ZNF385D: variants seen among roughly 807,000 people sequenced by gnomAD.
ZNF385D encodes the protein zinc finger protein 385D.
A neutral mutation model predicts 35.8 loss-of-function variants in ZNF385D; 15 were observed. The observed-to-expected ratio is 0.42, with a 90% CI of 0.28 to 0.64. The LOEUF (loss-of-function observed/expected upper bound fraction) is 0.64. Ranked by LOEUF, ZNF385D falls within the 30% of genes least tolerant of loss-of-function variation. ZNF385D has a pLI of 0.23. For missense variants in ZNF385D, 474 were observed against 494.6 expected, an observed-to-expected ratio of 0.96 and a Z score of 0.39; for synonymous variants, 212 against 186.8, an observed-to-expected ratio of 1.13 and a Z score of -1.10.
chr3:22,231,265 G>A (rs925297768), intron 2 of ZNF385D, among the ~76,000 whole-genome samples: 1 of 152,106 alleles, frequency 6.6e-6, no homozygotes, highest in African/African-American at 2.4e-5. Flanking sequence ...CACACCAAGG[G>A]CCACTGACTC....
intron 3 of ZNF385D, among the ~76,000 whole-genome samples, chr3:21,909,820 A>C (rs1699874849): frequency 6.6e-6 from 1 of 152,050 alleles, no homozygotes; most frequent in Non-Finnish European, 1.5e-5. Context: ...TATGCAGTGC[A>C]AAATGGAAAA....
At chr3:21,740,075 T>C (rs2069436309) in intron 1 of ZNF385D, among the ~76,000 whole-genome samples, 1 of 152,170 alleles carries the variant, frequency 6.6e-6, no homozygotes. Flanking sequence ...CATGAAACTT[T>C]CTGTTTTGAC....
intron 2 of ZNF385D, among the ~76,000 whole-genome samples, chr3:21,636,289 G>A (rs1024601252): frequency 6.8e-6 from 1 of 146,626 alleles, no homozygotes; most frequent in Admixed American, 6.9e-5. Context: ...TCTCTAGAGG[G>A]ACAGAGCTAA....
chr3:22,069,101 T>C (rs1700109678), intron 3 of ZNF385D, among the ~76,000 whole-genome samples: 1 of 152,220 alleles, frequency 6.6e-6, no homozygotes, highest in Non-Finnish European at 1.5e-5. Context: ...CTGGGCTAGC[T>C]ACAGGTGTTT....
At chr3:22,250,360 T>C (rs1312299298) in intron 2 of ZNF385D, among the ~76,000 whole-genome samples, 1 of 133,990 alleles carries the variant, frequency 7.5e-6, no homozygotes, top group Non-Finnish European at 1.7e-5. Context: ...AAACACTGAA[T>C]GACATAATTT....
intron 4 of ZNF385D, among the ~76,000 whole-genome samples, chr3:21,504,150 AG>A (rs1250215546): frequency 6.6e-6 from 1 of 152,178 alleles, no homozygotes; most frequent in African/African-American, 2.4e-5. Flanking sequence ...TAGATGACTA[AG>A]GAAAATCCAT....
At chr3:22,200,058 G>T (rs1036546921) in intron 2 of ZNF385D, among the ~76,000 whole-genome samples, 1 of 152,032 alleles carries the variant, frequency 6.6e-6, no homozygotes, top group African/African-American at 2.4e-5. Context: ...GAAAGGTTAA[G>T]ATCATACAAG....
At chr3:21,611,306 G>T (rs1297435343) in intron 2 of ZNF385D, among the ~76,000 whole-genome samples, 1 of 151,984 alleles carries the variant, frequency 6.6e-6, no homozygotes, top group African/African-American at 2.4e-5. Flanking sequence ...TTGCAGATGA[G>T]GAGGCTGAGG....
chr3:21,452,005 C>G (rs1014782516), intron 4 of ZNF385D, among the ~76,000 whole-genome samples: 2 of 151,922 alleles, frequency 1.3e-5, no homozygotes, highest in African/African-American at 4.8e-5. Context: ...TTTATTTCTG[C>G]ACAAATATTG....
intron 3 of ZNF385D, among the ~76,000 whole-genome samples, chr3:22,161,902 G>C (rs1400361639): frequency 1.3e-5 from 2 of 152,174 alleles, no homozygotes; most frequent in Non-Finnish European, 2.9e-5. Flanking sequence ...TTAATGAGTT[G>C]TCAATAATGT....
At chr3:21,847,238 C>T (rs1410825999) in intron 3 of ZNF385D, among the ~76,000 whole-genome samples, 1 of 151,962 alleles carries the variant, frequency 6.6e-6, no homozygotes, top group Non-Finnish European at 1.5e-5. Context: ...AAAAGAGGTG[C>T]TACATGCAAA....
chr3:21,918,242 G>C (rs1178151079), intron 3 of ZNF385D, among the ~76,000 whole-genome samples: 1 of 152,204 alleles, frequency 6.6e-6, no homozygotes, highest in Non-Finnish European at 1.5e-5. Flanking sequence ...GACAGTGGAT[G>C]AGTCTTAGGG....
chr3:21,828,885 T>C (rs567801982), intron 3 of ZNF385D, among the ~76,000 whole-genome samples: 1 of 152,306 alleles, frequency 6.6e-6, no homozygotes, highest in African/African-American at 2.4e-5. Flanking sequence ...TTCCCCTCTC[T>C]CCATTTTCAA....
At chr3:22,177,085 T>G (rs955751132) in intron 2 of ZNF385D, among the ~76,000 whole-genome samples, 1 of 152,194 alleles carries the variant, frequency 6.6e-6, no homozygotes, top group Admixed American at 6.5e-5. Flanking sequence ...AGTCATGCCA[T>G]CAGGGCCTCC....
At chr3:22,093,353 T>C (rs1018482283) in intron 3 of ZNF385D, among the ~76,000 whole-genome samples, 1 of 151,654 alleles carries the variant, frequency 6.6e-6, no homozygotes, top group Non-Finnish European at 1.5e-5. Flanking sequence ...TAAAATATTA[T>C]TAAATACATA....
At chr3:21,999,133 G>T (rs1695675451) in intron 3 of ZNF385D, among the ~76,000 whole-genome samples, 1 of 152,108 alleles carries the variant, frequency 6.6e-6, no homozygotes, top group African/African-American at 2.4e-5. Flanking sequence ...CATCAGTCAG[G>T]TTCACAGAAC....
chr3:22,326,975 A>T (rs558544805), intron 2 of ZNF385D, among the ~76,000 whole-genome samples: 1 of 152,218 alleles, frequency 6.6e-6, no homozygotes, highest in Admixed American at 6.5e-5. Context: ...GCAAGTTCCA[A>T]GGTCTATTGC....
rs555930942 is a variant in ZNF385D, at chr3:21,812,866, T to C, written c.326-147838A>G. On this transcript the variant is annotated intron_variant, in intron 3 of 5. Transcript: ENST00000494108. ...AGTAGTAGTTCTCCCAGCATGGAGT[T>C]TGAGATCTGAGAATGGACAGAGTGC... 3.1e-4 allele frequency among the ~76,000 whole-genome samples: 47 copies of C among 152,258 alleles called. No individual in the cohort carries two copies. In the South Asian group the frequency reaches 4.1e-3, roughly 13 times the overall value.
chr3:21,814,275 G>C (rs1382798372), intron 3 of ZNF385D, among the ~76,000 whole-genome samples: 1 of 152,166 alleles, frequency 6.6e-6, no homozygotes, highest in Non-Finnish European at 1.5e-5. Context: ...TCGATGTTAG[G>C]AAGAAACTGC....
Sources: allele counts gnomAD v4.1 joint callset (sites outside exome capture counted in the v4.1 genomes callset), GRCh38; gene constraint gnomAD v4.1.1; transcripts MANE v1.5; gene names NCBI Gene and HGNC (gene_info 2026-07-23, HGNC 2026-07-21).